The following SVOP variants were observed in gnomAD, a reference collection of about 807,000 sequenced individuals.
SVOP encodes synaptic vesicle 2-related protein.
In SVOP, 17 loss-of-function variants were observed where a neutral mutation model predicts 69.1. The ratio of observed to expected loss-of-function variants is 0.25; its 90% confidence interval spans 0.17 to 0.37. The LOEUF is 0.37. SVOP is among the 10% of genes least tolerant of loss of function. SVOP has a pLI of 1.00. For missense variants in SVOP, 435 were observed against 597.5 expected (o/e 0.73, Z 2.84); for synonymous variants, 238 against 238.6 (o/e 1.00, Z 0.02).
intron 2 of SVOP, among the ~76,000 whole-genome samples, chr12:108,982,162 A>G (rs977478967): frequency 6.6e-6 from 1 of 151,712 alleles, no homozygotes; most frequent in Non-Finnish European, 1.5e-5. Flanking sequence ...CAACCTTATC[A>G]TCACCATCTT....
chr12:109,006,347 C>T (rs2040307600), intron 1 of SVOP, among the ~76,000 whole-genome samples: 1 of 152,110 alleles, frequency 6.6e-6, no homozygotes, highest in Non-Finnish European at 1.5e-5. Flanking sequence ...CCACTGTGCC[C>T]ACCCCAGAAA....
intron 11 of SVOP, among the ~76,000 whole-genome samples, chr12:108,923,764 CT>C (rs2039764182): frequency 6.6e-6 from 1 of 152,130 alleles, no homozygotes; most frequent in African/African-American, 2.4e-5. Flanking sequence ...CCATCTACCC[CT>C]AACCTTTTTA....
At chr12:109,006,508 C>A (rs773600576) in intron 1 of SVOP, among the ~76,000 whole-genome samples, 147 of 152,224 alleles carry the variant, frequency 9.7e-4, no homozygotes, top group Non-Finnish European at 1.4e-3. Context: ...CATGGCAGCC[C>A]CAGGGTTTGT....
At chr12:108,978,379 A>G (rs1437705272) in intron 3 of SVOP, 199 bp downstream of exon 3, 1 of 518,178 alleles carries the variant, frequency 1.9e-6, no homozygotes, top group Non-Finnish European at 3.4e-6. Context: ...CTTGGGGGCA[A>G]CTGCCAAACA....
At chr12:109,001,114 T>A (rs2040266593) in intron 1 of SVOP, among the ~76,000 whole-genome samples, 1 of 147,080 alleles carries the variant, frequency 6.8e-6, no homozygotes, top group African/African-American at 2.5e-5. Flanking sequence ...TTCAGCAAAG[T>A]CTCAGGATAC....
At chr12:108,961,962 T>A (rs2040020800) in intron 5 of SVOP, among the ~76,000 whole-genome samples, 1 of 152,184 alleles carries the variant, frequency 6.6e-6, no homozygotes, top group Admixed American at 6.5e-5. Context: ...CTGTACTGAG[T>A]GATATTTTTA....
At chr12:109,015,367 G>A (rs771989702) in intron 1 of SVOP, among the ~76,000 whole-genome samples, 1 of 152,172 alleles carries the variant, frequency 6.6e-6, no homozygotes, top group Non-Finnish European at 1.5e-5. Context: ...CTATAGGGAG[G>A]CAAGGGCAGG....
intron 5 of SVOP, among the ~76,000 whole-genome samples, chr12:108,966,242 A>C (rs1374675676): frequency 6.6e-6 from 1 of 152,180 alleles, no homozygotes; most frequent in African/African-American, 2.4e-5. Context: ...TGAAGCTCAG[A>C]GAGGTGAAGC....
intron 1 of SVOP, among the ~76,000 whole-genome samples, chr12:109,018,888 C>T (rs1359283602): frequency 6.6e-6 from 1 of 152,214 alleles, no homozygotes; most frequent in Non-Finnish European, 1.5e-5. Context: ...TTGATCTTCA[C>T]AATAACCTTA....
intron 1 of SVOP, among the ~76,000 whole-genome samples, chr12:109,012,421 C>CA (rs748881773): frequency 5.9e-5 from 9 of 152,056 alleles, no homozygotes; most frequent in Admixed American, 4.6e-4. Flanking sequence ...GTACTCACCA[C>CA]AAAAAAGGAT....
At chr12:109,011,516 C>T (rs574088398) in intron 1 of SVOP, among the ~76,000 whole-genome samples, 1 of 152,316 alleles carries the variant, frequency 6.6e-6, no homozygotes, top group African/African-American at 2.4e-5. Flanking sequence ...AGCAGGAAGT[C>T]TCACGTGTGC....
chr12:108,928,288 C>T (rs1849097119), intron 11 of SVOP, among the ~76,000 whole-genome samples: 2 of 152,066 alleles, frequency 1.3e-5, no homozygotes, highest in Non-Finnish European at 2.9e-5. Context: ...CATCCTCACC[C>T]TTGGGCTCTG....
chr12:108,921,728 A>C (rs189896768), intron 12 of SVOP, among the ~76,000 whole-genome samples: 41 of 152,274 alleles, frequency 2.7e-4, no homozygotes, highest in African/African-American at 9.1e-4. Context: ...CTTCTGAGAT[A>C]GTCTTCAGGC....
At position 108,971,387 on chromosome 12, in the gene SVOP, C is replaced by CGATT. The variant is rs1273302860; in HGVS notation, c.453+1014_453+1017dup. 7.4e-5 allele frequency among the ~76,000 whole-genome samples: 11 copies of CGATT among 149,120 alleles called. No individual in the cohort carries two copies. The East Asian group carries it at 2.2e-3, about 30-fold the overall frequency. On this transcript the variant is annotated intron_variant, in intron 5 of 15. Coordinates refer to ENST00000610966, the MANE Select transcript of SVOP (RefSeq NM_018711.5). ...GAGGTTGCAGTGAGCCAAGATCGTG[C>CGATT]GATTGCACTCCAGCCTGGGCGACAG...
intron 5 of SVOP, among the ~76,000 whole-genome samples, chr12:108,967,537 T>G (rs141779248): frequency 6.6e-6 from 1 of 151,580 alleles, no homozygotes; most frequent in African/African-American, 2.4e-5. Flanking sequence ...AAGAAAGAAA[T>G]GAGGGCTGAG....
At chr12:108,946,631 T>G (rs1326416071) in intron 6 of SVOP, among the ~76,000 whole-genome samples, 1 of 151,472 alleles carries the variant, frequency 6.6e-6, no homozygotes, top group Non-Finnish European at 1.5e-5. Flanking sequence ...TATCTATCTA[T>G]CCATTTAATC....
intron 5 of SVOP, among the ~76,000 whole-genome samples, chr12:108,961,533 T>A (rs987894719): frequency 6.6e-6 from 1 of 152,082 alleles, no homozygotes; most frequent in Non-Finnish European, 1.5e-5. Flanking sequence ...CCTGGAACTT[T>A]ACAAAATTGT....
At chr12:108,924,965 C>T (rs539271624) in intron 11 of SVOP, among the ~76,000 whole-genome samples, 16 of 152,126 alleles carry the variant, frequency 1.1e-4, no homozygotes, top group Non-Finnish European at 1.9e-4. Context: ...GGCCCACAGG[C>T]CAAACCTTAA....
intron 14 of SVOP, among the ~76,000 whole-genome samples, chr12:108,916,280 C>T (rs1294302740): frequency 6.6e-6 from 1 of 152,170 alleles, no homozygotes; most frequent in African/African-American, 2.4e-5. Flanking sequence ...CAGTTTGTAC[C>T]CAGTAGGGGC....
Sources: gnomAD v4.1 joint callset for allele counts (sites outside exome capture counted in the v4.1 genomes callset) on GRCh38, gnomAD v4.1.1 for gene constraint, MANE v1.5 for transcripts, NCBI Gene and HGNC (gene_info 2026-07-23, HGNC 2026-07-21) for gene names.